Variants in GMEB2 observed in about 807,000 individuals in gnomAD.
GMEB2 encodes glucocorticoid modulatory element-binding protein 2.
Under a neutral mutation model 45.7 loss-of-function variants are expected in GMEB2, and 7 were observed. The ratio of observed to expected loss-of-function variants is 0.15; its 90% confidence interval spans 0.09 to 0.29. The LOEUF (loss-of-function observed/expected upper bound fraction) is 0.29. Ranked by LOEUF, GMEB2 falls within the 10% of genes least tolerant of loss-of-function variation. The pLI is 1.00. For synonymous variants in GMEB2, 322 were observed against 323.6 expected (o/e 1.00, Z 0.05); for missense variants, 582 against 739.2 (o/e 0.79, Z 2.47).
intron 6 of GMEB2, among the ~76,000 whole-genome samples, chr20:63,595,136 G>A (rs967890383): frequency 1.3e-5 from 2 of 152,356 alleles, no homozygotes; most frequent in East Asian, 3.9e-4. Context: ...ACGTGGAACA[G>A]TATCTAAAGC....
chr20:63,602,913 C>A, intron 4 of GMEB2, 52 bp downstream of exon 4: 1 of 1,565,918 alleles, frequency 6.4e-7, no homozygotes, highest in Non-Finnish European at 8.8e-7. Context: ...CCAAAGCAGT[C>A]ACAGACACCA....
chr20:63,618,147 A>G (rs2089622470), intron 2 of GMEB2, among the ~76,000 whole-genome samples: 1 of 152,214 alleles, frequency 6.6e-6, no homozygotes, highest in Admixed American at 6.5e-5. Context: ...TCATGGACAC[A>G]TGCCGGGAAA....
chr20:63,617,931 C>T (rs903050307), intron 2 of GMEB2, among the ~76,000 whole-genome samples: 1 of 152,146 alleles, frequency 6.6e-6, no homozygotes, highest in Non-Finnish European at 1.5e-5. Context: ...CACAGTAGCC[C>T]TAGGGCACCA....
chr20:63,594,544 C>T (rs183036100), intron 6 of GMEB2, among the ~76,000 whole-genome samples: 5 of 152,322 alleles, frequency 3.3e-5, no homozygotes, highest in Admixed American at 1.3e-4. Flanking sequence ...CCTGGCCTCA[C>T]TCTCCTACCC....
intron 2 of GMEB2, among the ~76,000 whole-genome samples, chr20:63,612,541 G>C (rs913047674): frequency 6.6e-6 from 1 of 152,212 alleles, no homozygotes; most frequent in Non-Finnish European, 1.5e-5. Flanking sequence ...CCACAGAAAT[G>C]ATCTCAACGT....
chr20:63,609,451 C>CA (rs569035986), intron 2 of GMEB2, among the ~76,000 whole-genome samples: 18 of 89,850 alleles, frequency 2.0e-4, no homozygotes, highest in African/African-American at 5.7e-4. Flanking sequence ...CCCTCTCACC[C>CA]CACATCCATT....
intron 6 of GMEB2, among the ~76,000 whole-genome samples, chr20:63,594,983 C>G (rs551594823): frequency 8.5e-5 from 13 of 152,324 alleles, no homozygotes; most frequent in African/African-American, 2.6e-4. Flanking sequence ...GATCCACCCG[C>G]CTCGGCTTCC....
At chr20:63,613,867 G>A (rs1394851950) in intron 2 of GMEB2, among the ~76,000 whole-genome samples, 3 of 152,132 alleles carry the variant, frequency 2.0e-5, no homozygotes, top group African/African-American at 7.2e-5. Flanking sequence ...CATTTCAAAT[G>A]GGTAACTCCA....
chr20:63,593,160 C>T lies in GMEB2; in HGVS notation c.620-78G>A, dbSNP rs947677532. On this transcript the variant is annotated intron_variant, in intron 6 of 9. Transcript: ENST00000370077. The surrounding 1 kb of genome is among the most constrained non-coding windows in gnomAD (Gnocchi z 4.7). ...CCCCACATACCCTGTCCACCCTCCT[C>T]ACACCACCTTCTGAACCTTTCCATC... The T allele has an allele frequency of 7.8e-5, 64 of 821,002 alleles. No homozygotes were observed. The African/African-American group carries it at 1.0e-3, about 13-fold the overall frequency. 50.9% of individuals were successfully genotyped at this position (821,002 alleles called of 1,614,324 possible). A position where few individuals can be genotyped will look rare whatever the true frequency, so the allele number is the denominator to read the frequency against.
chr20:63,598,313 G>A (rs1324736617), intron 4 of GMEB2, among the ~76,000 whole-genome samples: 1 of 150,204 alleles, frequency 6.7e-6, no homozygotes, highest in Admixed American at 6.7e-5. Flanking sequence ...CTTGCCCCGT[G>A]CAGCAAACAC....
Position 63,603,110 on chromosome 20 carries a change from G to A in GMEB2, c.230-18C>T. The A allele has an allele frequency of 6.2e-7, 1 of 1,613,426 alleles. No homozygotes were observed. On this transcript the variant is annotated intron_variant, in intron 3 of 9. Coordinates refer to ENST00000370077, the MANE Select transcript of GMEB2 (RefSeq NM_012384.5). ...CATCTTCACTTCTCACAGGCACATT[G>A]ACAGGGAAGGGTAAAAGCAGAACAT...
At chr20:63,615,508 G>A (rs1018797028) in intron 2 of GMEB2, among the ~76,000 whole-genome samples, 7 of 152,008 alleles carry the variant, frequency 4.6e-5, no homozygotes, top group African/African-American at 1.5e-4. Flanking sequence ...TATATTTTTT[G>A]TAGAGACGAG....
At chr20:63,615,040 A>G (rs1465460926) in intron 2 of GMEB2, among the ~76,000 whole-genome samples, 1 of 151,790 alleles carries the variant, frequency 6.6e-6, no homozygotes, top group Non-Finnish European at 1.5e-5. Flanking sequence ...ACACTCTCTC[A>G]TCTCCGCATA....
Position 63,589,803 on chromosome 20 carries a change from A to C in GMEB2, c.*286T>G. On this transcript the variant is annotated 3_prime_UTR_variant, in exon 10 of 10. Coordinates refer to ENST00000370077, the MANE Select transcript of GMEB2 (RefSeq NM_012384.5). ...GCCCCCGCCCACCTGGCTCCTGATC[A>C]AGGCCCAATGTGTAAACAGTATTAA... 1 of 303,982 alleles carries C rather than the reference A, an allele frequency of 3.3e-6. No individual in the cohort carries two copies. Among genetic ancestry groups the C allele is most frequent in the East Asian group, 5.3e-5 (1 of 18,980 alleles). The allele number at this position is 303,982 out of a possible 1,614,324, so 18.8% of individuals were successfully genotyped here.
Position 63,604,882 on chromosome 20 carries a change from G to C in GMEB2, c.132-42C>G, listed in dbSNP as rs200446169. The C allele has an allele frequency of 8.8e-6, 10 of 1,133,858 alleles. No homozygotes were observed. The East Asian group carries it at 2.3e-4, about 26-fold the overall frequency. 70.2% of individuals were successfully genotyped at this position (1,133,858 alleles called of 1,614,324 possible). On this transcript the variant is annotated intron_variant, in intron 2 of 9. Transcript: ENST00000370077. ...AGGAGAGAATAGAATCAGGATCCCG[G>C]AGGGCACAACCTGCAGGGCACTATT...
chr20:63,612,842 G>C (rs2089580922), intron 2 of GMEB2, among the ~76,000 whole-genome samples: 1 of 152,178 alleles, frequency 6.6e-6, no homozygotes, highest in Non-Finnish European at 1.5e-5. Context: ...GTCAGCTGAC[G>C]ACAGGGGTTG....
intron 2 of GMEB2, among the ~76,000 whole-genome samples, chr20:63,613,175 G>A (rs1029567469): frequency 6.6e-6 from 1 of 152,166 alleles, no homozygotes; most frequent in Non-Finnish European, 1.5e-5. Flanking sequence ...GCAAGCAAGA[G>A]AACTTGGCAA....
At position 63,592,054 on chromosome 20, in the gene GMEB2, C is replaced by T. The variant is rs372301769; in HGVS notation, c.920G>A (p.Arg307His). 15 of 1,612,726 alleles carry T rather than the reference C, an allele frequency of 9.3e-6. No individual in the cohort carries two copies. Among genetic ancestry groups the T allele is most frequent in the East Asian group, 2.2e-5 (1 of 44,886 alleles). ...VLASHKCQMD[R>H]SREQYARDLA... ...GTCCCGGGCGTACTGCTCCCGCGAG[C>T]GGTCCATCTGGCACTTGTGGCTGGC... The change falls in exon 9 of 10, where the codon CGC becomes CAC. Residue 307 changes from arginine (R) to histidine (H), a missense_variant. Transcript: ENST00000370077. The surrounding 1 kb of genome is among the most constrained non-coding windows in gnomAD (Gnocchi z 8.2).
rs2083126352 is a variant in GMEB2, at chr20:63,589,657, G to A, written c.*432C>T. On this transcript the variant is annotated 3_prime_UTR_variant, in exon 10 of 10. Coordinates refer to ENST00000370077, the MANE Select transcript of GMEB2 (RefSeq NM_012384.5). The stretch of plus-strand genomic sequence containing the variant: ...GTCATGAGTTAGTAACGTCCCCAGG[G>A]ACCTGGCTGGGTGCAGACATGGGGG... The A allele has an allele frequency of 5.6e-6, 1 of 177,600 alleles. No homozygotes were observed. Among genetic ancestry groups the A allele is most frequent in the African/African-American group, 2.3e-5 (1 of 42,588 alleles). The allele number at this position is 177,600 out of a possible 1,614,324, so 11.0% of individuals were successfully genotyped here.
Sources: allele counts gnomAD v4.1 joint callset (sites outside exome capture counted in the v4.1 genomes callset), GRCh38; gene constraint gnomAD v4.1.1; non-coding constraint Gnocchi (gnomAD v3.1); transcripts MANE v1.5; gene names NCBI Gene and HGNC (gene_info 2026-07-23, HGNC 2026-07-21).